The following EXOC6B variants were observed in gnomAD, a reference collection of about 807,000 sequenced individuals.
The protein encoded by EXOC6B is exocyst complex component 6B.
A neutral mutation model predicts 113.5 loss-of-function variants in EXOC6B; 54 were observed. The ratio of observed to expected loss-of-function variants is 0.48; its 90% CI spans 0.38 to 0.60. The LOEUF is 0.60. EXOC6B is among the 20% of genes least tolerant of loss of function. The pLI is 0.00. For synonymous variants in EXOC6B, 357 were observed against 339.0 expected, an observed-to-expected ratio of 1.05 and a Z score of -0.58; for missense variants, 797 against 977.5, an observed-to-expected ratio of 0.82 and a Z score of 2.46.
intron 17 of EXOC6B, among the ~76,000 whole-genome samples, chr2:72,467,975 T>C (rs1248342105): frequency 6.6e-6 from 1 of 152,100 alleles, no homozygotes; most frequent in Non-Finnish European, 1.5e-5. Context: ...TTCACCATGT[T>C]GGCCAGGCTG....
At chr2:72,390,476 T>C (rs1457042088) in intron 18 of EXOC6B, among the ~76,000 whole-genome samples, 1 of 152,220 alleles carries the variant, frequency 6.6e-6, no homozygotes, top group Non-Finnish European at 1.5e-5. Flanking sequence ...AAATTTTTTA[T>C]TGAATACTGG....
chr2:72,707,259 A>C (rs1442830199), intron 6 of EXOC6B, among the ~76,000 whole-genome samples: 1 of 152,172 alleles, frequency 6.6e-6, no homozygotes, highest in Non-Finnish European at 1.5e-5. Context: ...ATTTAATTCA[A>C]ATGCACCTTA....
At chr2:72,769,533 C>A (rs561161171) in intron 1 of EXOC6B, among the ~76,000 whole-genome samples, 1 of 152,198 alleles carries the variant, frequency 6.6e-6, no homozygotes, top group South Asian at 2.1e-4. Context: ...AAGGAAGGGC[C>A]AGGCCCAGTG....
At chr2:72,324,142 T>C (rs1269401439) in intron 20 of EXOC6B, among the ~76,000 whole-genome samples, 2 of 152,186 alleles carry the variant, frequency 1.3e-5, no homozygotes, top group African/African-American at 2.4e-5. Context: ...ATTTTTCATC[T>C]TTGATAACTA....
intron 19 of EXOC6B, 178 bp from the exon 20 acceptor site, chr2:72,335,198 C>A: frequency 1.7e-6 from 1 of 595,414 alleles, no homozygotes; most frequent in South Asian, 2.0e-5. Context: ...GTCATCAAAA[C>A]ACCATTAATT....
intron 6 of EXOC6B, among the ~76,000 whole-genome samples, chr2:72,608,160 G>A (rs868730309): frequency 2.2e-4 from 34 of 152,046 alleles, no homozygotes; most frequent in African/African-American, 8.0e-4. Flanking sequence ...TGAAATTTAT[G>A]CATATGAGAA....
chr2:72,610,801 C>T (rs2104084517), intron 6 of EXOC6B, among the ~76,000 whole-genome samples: 1 of 152,266 alleles, frequency 6.6e-6, no homozygotes, highest in African/African-American at 2.4e-5. Flanking sequence ...TAAGCATGGG[C>T]TGCATTTAGC....
intron 18 of EXOC6B, chr2:72,464,902 C>T: frequency 2.1e-6 from 1 of 479,698 alleles, no homozygotes. Context: ...TGTCTTTGTA[C>T]TAATTACCTT....
At chr2:72,514,599 TAA>T (rs1491116433) in intron 10 of EXOC6B, 33 bp downstream of exon 10, 76,966 of 197,744 alleles carry the variant, frequency 0.39, 15,797 homozygotes, top group East Asian at 0.59. Flanking sequence ...AATAAATAAA[TAA>T]ATAAATATAT....
chr2:72,458,821 T>A (rs565085062), intron 18 of EXOC6B, among the ~76,000 whole-genome samples: 1 of 152,092 alleles, frequency 6.6e-6, no homozygotes, highest in Admixed American at 6.6e-5. Flanking sequence ...GAGGTTAAAG[T>A]AAGGAGTACA....
chr2:72,559,329 TAAAC>T (rs1303231951), intron 8 of EXOC6B, 120 bp downstream of exon 8: 1 of 594,116 alleles, frequency 1.7e-6, no homozygotes, highest in Non-Finnish European at 2.7e-6. Flanking sequence ...TAACAGTCCT[TAAAC>T]AACAAGAGTT....
At chr2:72,415,119 T>TA (rs1694441062) in intron 18 of EXOC6B, among the ~76,000 whole-genome samples, 1 of 152,216 alleles carries the variant, frequency 6.6e-6, no homozygotes. Context: ...TCAATTGCTA[T>TA]AGCAACCCTG....
intron 19 of EXOC6B, among the ~76,000 whole-genome samples, chr2:72,374,565 G>A (rs1335510337): frequency 1.3e-5 from 2 of 151,938 alleles, no homozygotes; most frequent in Non-Finnish European, 2.9e-5. Flanking sequence ...GTGTTGAGAG[G>A]GAAGGTGGGG....
rs192168447 is a variant in EXOC6B, at chr2:72,535,769, C to T, written c.916-20643G>A. 9.9e-5 allele frequency among the ~76,000 whole-genome samples: 15 copies of T among 151,706 alleles called. No individual in the cohort carries two copies. In the East Asian group the frequency reaches 2.7e-3, roughly 27 times the overall value. On this transcript the variant is annotated intron_variant, in intron 8 of 21. Transcript: ENST00000272427. ...TCTGTAATCCTAGCTACTAGGGAGG[C>T]TGAGGCAGGACAATCACTTGCACTG... is the stretch of plus-strand genomic sequence containing the variant.
chr2:72,781,120 A>C (rs1004378826), intron 1 of EXOC6B, among the ~76,000 whole-genome samples: 1 of 152,196 alleles, frequency 6.6e-6, no homozygotes, highest in Non-Finnish European at 1.5e-5. Flanking sequence ...TCCTGAATCC[A>C]TATTGAAGAT....
intron 18 of EXOC6B, among the ~76,000 whole-genome samples, chr2:72,384,344 A>G (rs1691868521): frequency 6.6e-6 from 1 of 152,068 alleles, no homozygotes; most frequent in South Asian, 2.1e-4. Context: ...CTCTCAACGA[A>G]TTAGGTATAG....
chr2:72,247,065 A>G (rs1202853552), intron 20 of EXOC6B, among the ~76,000 whole-genome samples: 1 of 152,232 alleles, frequency 6.6e-6, no homozygotes, highest in African/African-American at 2.4e-5. Flanking sequence ...CTTTTCTAGA[A>G]GAGGGTAACA....
chr2:72,669,985 G>A (rs1217732244), intron 6 of EXOC6B, among the ~76,000 whole-genome samples: 2 of 152,206 alleles, frequency 1.3e-5, no homozygotes, highest in Non-Finnish European at 2.9e-5. Context: ...TGAACTTACA[G>A]AAATGTAACA....
Position 72,798,841 on chromosome 2 carries a change from G to A in EXOC6B, c.113+26957C>T, listed in dbSNP as rs1685121784. Among the ~76,000 whole-genome samples, 8 of 151,730 alleles carry A rather than the reference G, an allele frequency of 5.3e-5. 1 individual carries two copies. In the South Asian group the frequency reaches 1.7e-3, roughly 31 times the overall value. Reference sequence around the variant, plus strand: ...AGTAAAATAAAAGCCTGTGCAACTGGGTAACAACAACAACAATAAAAACCC... The same window carrying A: ...AGTAAAATAAAAGCCTGTGCAACTGAGTAACAACAACAACAATAAAAACCC... On this transcript the variant is annotated intron_variant, in intron 1 of 21. Coordinates refer to ENST00000272427, the MANE Select transcript of EXOC6B (RefSeq NM_015189.3).
Sources: gnomAD v4.1 joint callset for allele counts (sites outside exome capture counted in the v4.1 genomes callset) on GRCh38, gnomAD v4.1.1 for gene constraint, MANE v1.5 for transcripts, NCBI Gene and HGNC (gene_info 2026-07-23, HGNC 2026-07-21) for gene names.